The following SKA2 variants were observed in gnomAD, a reference collection of about 807,000 sequenced individuals.
SKA2 encodes the protein spindle and kinetochore-associated protein 2.
SKA2 carries 13 observed loss-of-function variants against 16.9 expected under a neutral mutation model. The observed-to-expected ratio is 0.77, with a 90% CI of 0.50 to 1.22. The LOEUF (loss-of-function observed/expected upper bound fraction) is 1.22, where lower values mean the gene tolerates loss of function less well. Ranked by LOEUF, SKA2 falls within the 50% of genes most tolerant of loss-of-function variation. The pLI, the probability that SKA2 is intolerant of heterozygous loss-of-function variation, is 0.00. For missense variants in SKA2, 107 were observed against 139.7 expected (o/e 0.77, Z 1.18); for synonymous variants, 47 against 48.5 (o/e 0.97, Z 0.13).
intron 2 of SKA2, among the ~76,000 whole-genome samples, chr17:59,122,343 C>G (rs1011173717): frequency 6.6e-6 from 1 of 152,148 alleles, no homozygotes; most frequent in African/African-American, 2.4e-5. Context: ...GGTGCAGTGA[C>G]TCACGCCTGC....
intron 2 of SKA2, among the ~76,000 whole-genome samples, chr17:59,121,717 G>A (rs1214884489): frequency 1.3e-5 from 2 of 149,374 alleles, no homozygotes; most frequent in Non-Finnish European, 3.0e-5. Flanking sequence ...GGGAGGCCGA[G>A]GCGGGCGGAT....
intron 1 of SKA2, among the ~76,000 whole-genome samples, chr17:59,150,640 G>T (rs538146582): frequency 1.8e-4 from 27 of 152,246 alleles, no homozygotes; most frequent in African/African-American, 6.5e-4. Flanking sequence ...TACTTAGGAG[G>T]CTGAGGAGGG....
At chr17:59,125,363 CTTCAA>C (rs1431406504) in intron 2 of SKA2, among the ~76,000 whole-genome samples, 3 of 151,642 alleles carry the variant, frequency 2.0e-5, no homozygotes, top group Non-Finnish European at 4.4e-5. Context: ...GCCTATAATA[CTTCAA>C]TTCATTTTAG....
At chr17:59,150,995 G>GTT (rs529606797) in intron 1 of SKA2, 75 of 310,194 alleles carry the variant, frequency 2.4e-4, no homozygotes, top group Middle Eastern at 1.1e-3. Context: ...TAGTTAAAAG[G>GTT]TTTTTTTTTT....
intron 1 of SKA2, among the ~76,000 whole-genome samples, chr17:59,149,706 C>T (rs2046562473): frequency 6.6e-6 from 1 of 152,104 alleles, no homozygotes; most frequent in Admixed American, 6.6e-5. Flanking sequence ...GAATACTACT[C>T]AGCAATAAAA....
chr17:59,143,782 A>T (rs1412335523), intron 1 of SKA2, among the ~76,000 whole-genome samples: 1 of 152,170 alleles, frequency 6.6e-6, no homozygotes, highest in Non-Finnish European at 1.5e-5. Context: ...CCAAAACTTT[A>T]ACTGGATGTT....
chr17:59,125,893 C>T (rs1181715592), intron 2 of SKA2, among the ~76,000 whole-genome samples: 3 of 151,688 alleles, frequency 2.0e-5, no homozygotes, highest in Non-Finnish European at 2.9e-5. Context: ...GTTTCTCTGC[C>T]GGGCGTGGTG....
chr17:59,134,043 C>G (rs1284050716), intron 1 of SKA2, among the ~76,000 whole-genome samples: 1 of 152,108 alleles, frequency 6.6e-6, no homozygotes, highest in Non-Finnish European at 1.5e-5. Context: ...TTAAATTAAT[C>G]AATAATTACA....
At chr17:59,126,664 G>T (rs1334504949) in intron 2 of SKA2, among the ~76,000 whole-genome samples, 1 of 152,190 alleles carries the variant, frequency 6.6e-6, no homozygotes, top group Non-Finnish European at 1.5e-5. Context: ...AGAAAGCAGA[G>T]ATTTTCTTGA....
chr17:59,145,907 T>C (rs775908094), intron 1 of SKA2, among the ~76,000 whole-genome samples: 6 of 151,218 alleles, frequency 4.0e-5, no homozygotes, highest in South Asian at 4.2e-4. Flanking sequence ...GGAGGATCAC[T>C]TGGGCCCGAG....
At chr17:59,122,466 C>T (rs1315627678) in intron 2 of SKA2, among the ~76,000 whole-genome samples, 1 of 151,980 alleles carries the variant, frequency 6.6e-6, no homozygotes, top group East Asian at 2.0e-4. Context: ...CAAAAATTAG[C>T]CGGGCGTGGT....
At chr17:59,115,634 C>T (rs1311561675) in intron 3 of SKA2, among the ~76,000 whole-genome samples, 1 of 152,158 alleles carries the variant, frequency 6.6e-6, no homozygotes, top group Non-Finnish European at 1.5e-5. Flanking sequence ...CGTTCCATCG[C>T]CCAGGCTGGA....
At chr17:59,124,796 G>A (rs972317877) in intron 2 of SKA2, among the ~76,000 whole-genome samples, 3 of 152,116 alleles carry the variant, frequency 2.0e-5, no homozygotes, top group African/African-American at 7.2e-5. Flanking sequence ...TATGACATTA[G>A]CTCGATCAAT....
At chr17:59,134,978 G>A (rs187323991) in intron 1 of SKA2, among the ~76,000 whole-genome samples, 8 of 152,202 alleles carry the variant, frequency 5.3e-5, no homozygotes, top group Admixed American at 4.6e-4. Flanking sequence ...GGGACTACAG[G>A]CACATGCCAT....
At chr17:59,134,876 A>C (rs1333781386) in intron 1 of SKA2, among the ~76,000 whole-genome samples, 1 of 151,634 alleles carries the variant, frequency 6.6e-6, no homozygotes, top group African/African-American at 2.4e-5. Context: ...ACTCTGTCAT[A>C]CAAGCAGGAG....
intron 1 of SKA2, among the ~76,000 whole-genome samples, chr17:59,132,492 C>T (rs1314698187): frequency 6.6e-6 from 1 of 152,220 alleles, no homozygotes; most frequent in African/African-American, 2.4e-5. Context: ...GGCAAAACCC[C>T]ATCTCTACTA....
At chr17:59,132,393 G>A (rs1387144442) in intron 1 of SKA2, among the ~76,000 whole-genome samples, 1 of 152,010 alleles carries the variant, frequency 6.6e-6, no homozygotes, top group Non-Finnish European at 1.5e-5. Context: ...GCCAGGCACA[G>A]TGGCTCATCC....
intron 3 of SKA2, among the ~76,000 whole-genome samples, chr17:59,113,294 G>C (rs2147790526): frequency 6.6e-6 from 1 of 152,064 alleles, no homozygotes; most frequent in African/African-American, 2.4e-5. Context: ...GGCTGAGGCG[G>C]GTGGATCACT....
At chr17:59,132,840 T>C (rs970695509) in intron 1 of SKA2, among the ~76,000 whole-genome samples, 1 of 152,212 alleles carries the variant, frequency 6.6e-6, no homozygotes, top group African/African-American at 2.4e-5. Flanking sequence ...TGATAATGTA[T>C]AGACAGATTT....
Sources: allele counts gnomAD v4.1 joint callset (sites outside exome capture counted in the v4.1 genomes callset), GRCh38; gene constraint gnomAD v4.1.1; transcripts MANE v1.5; gene names NCBI Gene and HGNC (gene_info 2026-07-23, HGNC 2026-07-21).